PTPRS: variants seen among roughly 807,000 people sequenced by gnomAD.
The protein encoded by PTPRS is protein tyrosine phosphatase receptor type S.
Under a neutral mutation model 215.3 loss-of-function variants are expected in PTPRS, and 63 were observed. That is an observed-to-expected ratio of 0.29 (90% CI 0.24 to 0.36). The LOEUF (loss-of-function observed/expected upper bound fraction) is 0.36, where lower values mean the gene tolerates loss of function less well. PTPRS is among the 10% of genes least tolerant of loss of function. The pLI is 1.00. For missense variants in PTPRS, 2,258 were observed against 2,825.8 expected, an observed-to-expected ratio of 0.80 and a Z score of 4.56; for synonymous variants, 1,404 against 1,191.4, an observed-to-expected ratio of 1.18 and a Z score of -3.68.
intron 2 of PTPRS, chr19:5,278,086 C>T (rs973763308): frequency 2.2e-5 from 18 of 819,574 alleles, no homozygotes; most frequent in African/African-American, 5.2e-5. Flanking sequence ...GCCCAGCTGC[C>T]GTCAGAGTCA....
rs770573321 is a variant in PTPRS, at chr19:5,205,901, C to T, written c.*873G>A. On this transcript the variant is annotated 3_prime_UTR_variant, in exon 38 of 38. Transcript: ENST00000262963. ...CAACCGCACCCAACGCCACTGGGTC[C>T]GAGCTCCCCCATGACCTTACCCTCA... Among the ~76,000 whole-genome samples the T allele has an allele frequency of 4.6e-5, 7 of 151,792 alleles. No individual in the cohort carries two copies. The highest frequency in any genetic ancestry group is 1.9e-4 in the East Asian group (1 of 5,182).
intron 26 of PTPRS, among the ~76,000 whole-genome samples, 165 bp downstream of exon 26, chr19:5,216,555 T>C (rs971161467): frequency 9.2e-5 from 14 of 151,794 alleles, no homozygotes; most frequent in African/African-American, 3.4e-4. Context: ...GAGGGCCCAA[T>C]GGACCAACCC....
rs983807289 is a variant in PTPRS, at chr19:5,305,141, A to G, written c.-94-18907T>C. ...AAACCCCTATCAAGCACTTAGCAGGAGCAAAACACTCAGAACTGAGCTGGG... is the reference window on the plus strand; with the variant it reads ...AAACCCCTATCAAGCACTTAGCAGGGGCAAAACACTCAGAACTGAGCTGGG... On this transcript the variant is annotated intron_variant, in intron 1 of 37. Transcript: ENST00000262963. Among the ~76,000 whole-genome samples the G allele has an allele frequency of 2.6e-5, 4 of 152,318 alleles. No homozygotes were observed. In the South Asian group the frequency reaches 8.3e-4, roughly 32 times the overall value.
intron 1 of PTPRS, among the ~76,000 whole-genome samples, chr19:5,321,416 T>A (rs1054722864): frequency 1.3e-5 from 2 of 152,206 alleles, no homozygotes; most frequent in African/African-American, 4.8e-5. Flanking sequence ...ATTTTAGGGA[T>A]GAGGAAAACT....
At chr19:5,277,551 G>C (rs1368611299) in intron 2 of PTPRS, among the ~76,000 whole-genome samples, 1 of 151,678 alleles carries the variant, frequency 6.6e-6, no homozygotes, top group Non-Finnish European at 1.5e-5. Context: ...AGCTACTCGG[G>C]AGGCTGAGGC....
chr19:5,285,044 G>C (rs942999884), intron 2 of PTPRS, among the ~76,000 whole-genome samples: 1 of 152,264 alleles, frequency 6.6e-6, no homozygotes, highest in Non-Finnish European at 1.5e-5. Flanking sequence ...TTAACCAGCA[G>C]TAATACCTAC....
At chr19:5,321,324 C>T (rs904181957) in intron 1 of PTPRS, among the ~76,000 whole-genome samples, 5 of 152,152 alleles carry the variant, frequency 3.3e-5, no homozygotes, top group African/African-American at 7.2e-5. Context: ...ATGTGAGTCA[C>T]GTCTACGGAG....
In PTPRS at chr19:5,231,624, G is replaced by A. The variant is rs1223191839; in HGVS notation, c.1850-9C>T. On this transcript the variant is annotated splice_polypyrimidine_tract_variant and intron_variant, in intron 13 of 37. Transcript: ENST00000262963. ...AGGGGGGGCTGACGGTTCTATTGGA[G>A]GGGGGGAGAACGTGGGGGGGTGGGG... The A allele has an allele frequency of 2.2e-5, 4 of 185,534 alleles. No homozygotes were observed. Among genetic ancestry groups the A allele is most frequent in the Non-Finnish European group, 3.4e-5 (4 of 116,858 alleles). The allele number at this position is 185,534 out of a possible 1,614,324, so 11.5% of individuals were successfully genotyped here. A position where few individuals can be genotyped will look rare whatever the true frequency, so the allele number is the denominator to read the frequency against.
chr19:5,336,521 C>G (rs926007400), intron 1 of PTPRS, among the ~76,000 whole-genome samples: 6 of 152,132 alleles, frequency 3.9e-5, no homozygotes, highest in African/African-American at 1.4e-4. Flanking sequence ...CTCTCCTCTG[C>G]CCCGCAAGCC....
At chr19:5,290,491 C>G (rs2048722471) in intron 1 of PTPRS, among the ~76,000 whole-genome samples, 1 of 152,154 alleles carries the variant, frequency 6.6e-6, no homozygotes, top group Non-Finnish European at 1.5e-5. Flanking sequence ...GATCTGGGAG[C>G]CGGCTTTGTG....
At chr19:5,326,383 C>T (rs1185338245) in intron 1 of PTPRS, among the ~76,000 whole-genome samples, 1 of 152,230 alleles carries the variant, frequency 6.6e-6, no homozygotes, top group Non-Finnish European at 1.5e-5. Flanking sequence ...GAGGCAAAAG[C>T]AGCAAGAATT....
chr19:5,215,274 G>A lies in PTPRS; in HGVS notation c.4318+15C>T. ...GTGGGGAAGGGCAGGTTAAGACCCG[G>A]GATCTCCGAACTACCTTCAATGGGC... On this transcript the variant is annotated intron_variant, in intron 28 of 37. Transcript: ENST00000262963. 6.2e-7 allele frequency: 1 copy of A among 1,613,172 alleles called. No individual in the cohort carries two copies. The highest frequency in any genetic ancestry group is 8.5e-7 in the Non-Finnish European group (1 of 1,179,252).
At chr19:5,215,620 G>A (rs767496399) in intron 26 of PTPRS, 25 bp from the exon 27 acceptor site, 267 of 1,560,462 alleles carry the variant, frequency 1.7e-4, no homozygotes, top group Non-Finnish European at 2.2e-4. Context: ...AGACCCCGCC[G>A]GGGTTGGTCA....
At chr19:5,258,857 T>TC (rs1466099197) in intron 7 of PTPRS, among the ~76,000 whole-genome samples, 1 of 152,184 alleles carries the variant, frequency 6.6e-6, no homozygotes, top group Non-Finnish European at 1.5e-5. Context: ...AGTCAGAATT[T>TC]CCCCAAGTAT....
intron 1 of PTPRS, among the ~76,000 whole-genome samples, chr19:5,326,564 T>C (rs1287445929): frequency 1.3e-5 from 2 of 152,006 alleles, no homozygotes; most frequent in African/African-American, 4.8e-5. Flanking sequence ...CTCGTGCCTG[T>C]AATCCCAGCG....
At chr19:5,320,233 G>A (rs1248279954) in intron 1 of PTPRS, among the ~76,000 whole-genome samples, 4 of 152,190 alleles carry the variant, frequency 2.6e-5, no homozygotes, top group African/African-American at 4.8e-5. Flanking sequence ...CAGGAAGCAG[G>A]GGCGGCAGCC....
intron 16 of PTPRS, 50 bp downstream of exon 16, chr19:5,229,266 G>A (rs748204203): frequency 1.0e-5 from 14 of 1,362,818 alleles, no homozygotes; most frequent in Admixed American, 9.7e-5. Context: ...GCACAGCACG[G>A]CCCGCGGGAA....
intron 32 of PTPRS, 66 bp downstream of exon 32, chr19:5,211,899 G>C (rs1362644107): frequency 6.4e-7 from 1 of 1,551,614 alleles, no homozygotes; most frequent in African/African-American, 1.4e-5. Flanking sequence ...CTCGAGGCGG[G>C]CCTGATTTTC....
At chr19:5,327,821 G>A (rs971000271) in intron 1 of PTPRS, among the ~76,000 whole-genome samples, 5 of 151,812 alleles carry the variant, frequency 3.3e-5, no homozygotes, top group East Asian at 1.9e-4. Flanking sequence ...GGTTGGACTC[G>A]ATCTCCTAGC....
Sources: allele counts gnomAD v4.1 joint callset (sites outside exome capture counted in the v4.1 genomes callset), GRCh38; gene constraint gnomAD v4.1.1; transcripts MANE v1.5; gene names NCBI Gene and HGNC (gene_info 2026-07-23, HGNC 2026-07-21).